TRERF1: variants seen among roughly 807,000 people sequenced by gnomAD.
TRERF1 encodes transcriptional-regulating factor 1.
In TRERF1, 27 loss-of-function variants were observed where a neutral mutation model predicts 122.9. That is an observed-to-expected ratio of 0.22 (90% CI 0.16 to 0.30). The LOEUF (loss-of-function observed/expected upper bound fraction) is 0.30, where lower values mean the gene tolerates loss of function less well. Ranked by LOEUF, TRERF1 falls within the 10% of genes least tolerant of loss-of-function variation. The pLI is 1.00. For missense variants in TRERF1, 1,248 were observed against 1,560.3 expected (o/e 0.80, Z 3.37); for synonymous variants, 636 against 641.7 (o/e 0.99, Z 0.13).
At chr6:42,227,789 G>A (rs1223550005) in exon 18 of TRERF1, 1 of 152,296 alleles carries the variant, frequency 6.6e-6, no homozygotes, top group Non-Finnish European at 1.5e-5. Context: ...CACATGTCGT[G>A]TGAGCTGGAG....
At chr6:42,287,856 C>T (rs770737260) in intron 4 of TRERF1, among the ~76,000 whole-genome samples, 1 of 152,134 alleles carries the variant, frequency 6.6e-6, no homozygotes, top group Admixed American at 6.5e-5. Context: ...CTCCCTCTGC[C>T]AACAGGTAAG....
intron 3 of TRERF1, among the ~76,000 whole-genome samples, chr6:42,313,218 G>C (rs1180745104): frequency 6.6e-6 from 1 of 152,166 alleles, no homozygotes; most frequent in African/African-American, 2.4e-5. Flanking sequence ...CCCAAGGAAC[G>C]TCTTCAAGAG....
At chr6:42,423,120 T>A (rs1783044327) in intron 2 of TRERF1, among the ~76,000 whole-genome samples, 1 of 152,224 alleles carries the variant, frequency 6.6e-6, no homozygotes, top group Admixed American at 6.5e-5. Context: ...ATTACAGGCA[T>A]GAGCCACCGT....
rs565924181 is a variant in TRERF1 at position 42,375,999 on chromosome 6, C to T, written c.-453-12920G>A. On this transcript the variant is annotated intron_variant, in intron 2 of 17. Transcript: ENST00000372922. ...TGGCAGCCTCACAAGTCACAATGTC[C>T]CCCCTTTAGGAAATGTGAAGGCGGT... 2.0e-5 allele frequency among the ~76,000 whole-genome samples: 3 copies of T among 152,200 alleles called. No individual in the cohort carries two copies. In the South Asian group the frequency reaches 6.2e-4, roughly 32 times the overall value.
chr6:42,398,720 C>T (rs970715408), intron 2 of TRERF1, among the ~76,000 whole-genome samples: 3 of 152,164 alleles, frequency 2.0e-5, no homozygotes, highest in East Asian at 1.9e-4. Context: ...AATGGATAGA[C>T]GGATGGATGG....
intron 3 of TRERF1, among the ~76,000 whole-genome samples, chr6:42,337,321 C>T (rs1414346829): frequency 6.6e-6 from 1 of 152,204 alleles, no homozygotes; most frequent in Non-Finnish European, 1.5e-5. Context: ...CATCTTTTTC[C>T]ACTTGGTCTT....
Position 42,311,454 on chromosome 6 carries a change from G to A in TRERF1, c.-370-10705C>T, listed in dbSNP as rs368858618. ...GCAGGTGCGGTCAGCAAGGCAGGAGGCCAGGCTGTAGGCATGAGATCATGG... is the reference window on the plus strand; with the variant it reads ...GCAGGTGCGGTCAGCAAGGCAGGAGACCAGGCTGTAGGCATGAGATCATGG... On this transcript the variant is annotated intron_variant, in intron 3 of 17. Transcript: ENST00000372922. Among the ~76,000 whole-genome samples, 28 of 152,140 alleles carry A rather than the reference G, an allele frequency of 1.8e-4. No homozygotes were observed. The South Asian group carries it at 2.7e-3, about 15-fold the overall frequency.
intron 13 of TRERF1, among the ~76,000 whole-genome samples, chr6:42,247,527 A>G (rs1775014944): frequency 6.6e-6 from 1 of 152,214 alleles, no homozygotes; most frequent in Admixed American, 6.5e-5. Flanking sequence ...AGGTTCCAGC[A>G]GAAGCAGATG....
intron 3 of TRERF1, among the ~76,000 whole-genome samples, chr6:42,337,192 G>A (rs1562015028): frequency 6.6e-6 from 1 of 152,202 alleles, no homozygotes; most frequent in African/African-American, 2.4e-5. Flanking sequence ...GCTGGTCAGG[G>A]AAGGACAATG....
intron 2 of TRERF1, among the ~76,000 whole-genome samples, chr6:42,399,979 T>C (rs1779160007): frequency 2.0e-5 from 3 of 152,208 alleles, no homozygotes; most frequent in African/African-American, 7.2e-5. Context: ...GATGGAATTC[T>C]TGTATTAGAG....
chr6:42,381,938 C>CAAT (rs1052805298), intron 2 of TRERF1, among the ~76,000 whole-genome samples: 1 of 150,644 alleles, frequency 6.6e-6, no homozygotes, highest in South Asian at 2.1e-4. Flanking sequence ...TGGCTGAAAC[C>CAAT]AATAATAATA....
At chr6:42,438,627 AG>A (rs144918745) in intron 2 of TRERF1, among the ~76,000 whole-genome samples, 67,484 of 151,126 alleles carry the variant, frequency 0.45, 18,463 homozygotes, top group Non-Finnish European at 0.62. Context: ...AAAAAGAAAA[AG>A]GAAAAAAGAA....
chr6:42,434,182 T>G (rs958930209), intron 2 of TRERF1, among the ~76,000 whole-genome samples: 1 of 152,054 alleles, frequency 6.6e-6, no homozygotes, highest in Admixed American at 6.5e-5. Flanking sequence ...TAGGATACCA[T>G]GAAAGGGTCT....
intron 4 of TRERF1, among the ~76,000 whole-genome samples, chr6:42,284,958 T>C (rs1333722285): frequency 1.3e-5 from 2 of 152,096 alleles, no homozygotes; most frequent in African/African-American, 2.4e-5. Context: ...TTTTCTGAAG[T>C]AAGCAGACCT....
exon 13 of TRERF1, chr6:42,254,851 C>T: frequency 6.2e-7 from 1 of 1,614,150 alleles, no homozygotes; most frequent in South Asian, 1.1e-5. Flanking sequence ...GGCAACCTAC[C>T]GGCATAGTGG....
At chr6:42,288,994 T>TGTGTGA (rs772469518) in intron 4 of TRERF1, among the ~76,000 whole-genome samples, 3,052 of 141,788 alleles carry the variant, frequency 0.022, 34 homozygotes, top group Non-Finnish European at 0.03. Flanking sequence ...TGTGTGTGTG[T>TGTGTGA]CAAAGCACAT....
At chr6:42,321,883 T>A (rs979242339) in intron 3 of TRERF1, among the ~76,000 whole-genome samples, 4 of 152,268 alleles carry the variant, frequency 2.6e-5, no homozygotes, top group Non-Finnish European at 4.4e-5. Context: ...GTGCAACTTG[T>A]CATTTATGCA....
chr6:42,289,900 T>C (rs1784006276), intron 4 of TRERF1, among the ~76,000 whole-genome samples: 1 of 152,126 alleles, frequency 6.6e-6, no homozygotes, highest in South Asian at 2.1e-4. Flanking sequence ...ACAGGATTAA[T>C]GATAGAAGGG....
In TRERF1 at chr6:42,276,057, C is replaced by A. The variant is rs190669053; in HGVS notation, c.-258-6209G>T. ...AATCCTTCTTCACTCACAGGCAGTA[C>A]AAGAATAGGTGTGGGCTGGATCTGG... On this transcript the variant is annotated intron_variant, in intron 4 of 17. Coordinates refer to ENST00000372922, the Ensembl canonical transcript of TRERF1. The surrounding 1 kb of genome is among the most constrained non-coding windows in gnomAD (Gnocchi z 4.3). Among the ~76,000 whole-genome samples, 1 of 152,328 alleles carries A rather than the reference C, an allele frequency of 6.6e-6. No homozygotes were observed. The highest frequency in any genetic ancestry group is 2.4e-5 in the African/African-American group (1 of 41,578).
Sources: gnomAD v4.1 joint callset for allele counts (sites outside exome capture counted in the v4.1 genomes callset) on GRCh38, gnomAD v4.1.1 for gene constraint, Gnocchi (gnomAD v3.1) non-coding constraint, MANE v1.5 for transcripts, NCBI Gene and HGNC (gene_info 2026-07-23, HGNC 2026-07-21) for gene names.